IPO11: variants seen among roughly 807,000 people sequenced by gnomAD.
IPO11 encodes the protein importin-11.
Under a neutral mutation model 143.2 loss-of-function variants are expected in IPO11, and 66 were observed. The ratio of observed to expected loss-of-function variants is 0.46; its 90% CI spans 0.38 to 0.57. The LOEUF (loss-of-function observed/expected upper bound fraction) is 0.57. Ranked by LOEUF, IPO11 falls within the 20% of genes least tolerant of loss-of-function variation. The pLI is 0.00. For missense variants in IPO11, 1,026 were observed against 1,141.0 expected, an observed-to-expected ratio of 0.90 and a Z score of 1.45; for synonymous variants, 385 against 377.8, an observed-to-expected ratio of 1.02 and a Z score of -0.22.
chr5:62,421,782 G>C (rs894306842), intron 1 of IPO11, among the ~76,000 whole-genome samples: 1 of 152,130 alleles, frequency 6.6e-6, no homozygotes, highest in Non-Finnish European at 1.5e-5. Flanking sequence ...ATTAACTGTG[G>C]GATTATTACT....
chr5:62,491,353 T>C (rs1274299638), intron 15 of IPO11, among the ~76,000 whole-genome samples: 1 of 152,174 alleles, frequency 6.6e-6, no homozygotes, highest in Non-Finnish European at 1.5e-5. Flanking sequence ...CGGTGTTAAA[T>C]AAAATAGACT....
intron 2 of IPO11, among the ~76,000 whole-genome samples, chr5:62,440,038 C>G (rs975814642): frequency 7.2e-5 from 11 of 152,178 alleles, no homozygotes; most frequent in Non-Finnish European, 7.3e-5. Flanking sequence ...ACATTACTTC[C>G]ATTCGTTCAC....
intron 27 of IPO11, chr5:62,580,209 C>G (rs1203068046): frequency 1.9e-6 from 3 of 1,550,882 alleles, no homozygotes; most frequent in Admixed American, 2.0e-5. Context: ...TGGAATACCT[C>G]CTCCTGAAAA....
intron 19 of IPO11, chr5:62,512,455 C>A (rs1741787397): frequency 7.9e-7 from 1 of 1,265,866 alleles, no homozygotes; most frequent in East Asian, 2.3e-5. Context: ...TCGTATTTGT[C>A]CGAATAGTAA....
intron 1 of IPO11, among the ~76,000 whole-genome samples, chr5:62,420,665 G>C (rs1405619566): frequency 6.7e-6 from 1 of 149,588 alleles, no homozygotes; most frequent in Non-Finnish European, 1.5e-5. Flanking sequence ...CTGCAGCCTT[G>C]ACCTCCTGGG....
intron 27 of IPO11, chr5:62,562,024 A>G (rs887393801): frequency 8.5e-5 from 13 of 152,224 alleles, no homozygotes; most frequent in African/African-American, 3.1e-4. Flanking sequence ...ATTGAGCTTC[A>G]TATCAGTGCA....
chr5:62,541,680 CAA>C (rs891837949), intron 24 of IPO11, among the ~76,000 whole-genome samples: 1 of 135,792 alleles, frequency 7.4e-6, no homozygotes, highest in Non-Finnish European at 1.6e-5. Context: ...GACCCTGTTT[CAA>C]AAAAAAAAAG....
chr5:62,490,195 C>T lies in IPO11; in HGVS notation c.1438C>T (p.Pro480Ser). The T allele has an allele frequency of 6.2e-7, 1 of 1,602,248 alleles. No individual in the cohort carries two copies. Among genetic ancestry groups the T allele is most frequent in the Non-Finnish European group, 8.5e-7 (1 of 1,174,270 alleles). Reference protein sequence around the residue: ...FDQWFKNQLLPELQVIHNRYK... With the variant: ...FDQWFKNQLLSELQVIHNRYK... ...TCAGTGGTTTAAAAACCAGCTTCTTCCAGAATTACAAGTCATTCACAATAG... is the reference window on the plus strand; with the variant it reads ...TCAGTGGTTTAAAAACCAGCTTCTTTCAGAATTACAAGTCATTCACAATAG... Residue 480 changes from proline to serine, a missense_variant, in exon 15 of 30, where the codon CCA becomes TCA. Around this residue, in one of 5 missense-constraint regions of IPO11, gnomAD observed 237 missense variants for 288.0 expected, o/e 0.82. Coordinates refer to ENST00000325324, the MANE Select transcript of IPO11 (RefSeq NM_016338.5).
At chr5:62,492,224 A>G (rs757325352) in intron 15 of IPO11, among the ~76,000 whole-genome samples, 2 of 152,152 alleles carry the variant, frequency 1.3e-5, no homozygotes, top group Admixed American at 6.5e-5. Context: ...CATATTCTTT[A>G]TCTGGAACAG....
At chr5:62,468,623 T>C (rs1745648559) in intron 6 of IPO11, among the ~76,000 whole-genome samples, 1 of 152,348 alleles carries the variant, frequency 6.6e-6, no homozygotes, top group Non-Finnish European at 1.5e-5. Flanking sequence ...TGTATAGTAG[T>C]ATATTTAATG....
chr5:62,581,552 C>T (rs1423897209), intron 27 of IPO11: 6 of 363,870 alleles, frequency 1.6e-5, no homozygotes, highest in Non-Finnish European at 2.5e-5. Context: ...AAATATTTCA[C>T]ATTTCACATT....
chr5:62,470,177 C>A, intron 6 of IPO11, 73 bp from the exon 7 acceptor site: 1 of 1,430,042 alleles, frequency 7.0e-7, no homozygotes, highest in Non-Finnish European at 9.9e-7. Flanking sequence ...TTTTGCAATT[C>A]TGAATCTTTC....
chr5:62,421,761 G>A (rs1221496922), intron 1 of IPO11, among the ~76,000 whole-genome samples: 1 of 152,210 alleles, frequency 6.6e-6, no homozygotes, highest in African/African-American at 2.4e-5. Context: ...ATGATAAAAT[G>A]TAGAATAGTG....
chr5:62,426,954 T>TTG (rs1743770948), intron 1 of IPO11, among the ~76,000 whole-genome samples: 1 of 130,466 alleles, frequency 7.7e-6, no homozygotes, highest in Non-Finnish European at 1.6e-5. Context: ...TTTTTTTTTT[T>TTG]GATACGGAGT....
At chr5:62,483,893 T>TTA in intron 10 of IPO11, 117 bp from the exon 11 acceptor site, 1 of 831,102 alleles carries the variant, frequency 1.2e-6, no homozygotes, top group East Asian at 3.0e-5. Context: ...AAATGAAAAT[T>TTA]TATACACAAG....
At chr5:62,487,180 T>C (rs1746436706) in intron 12 of IPO11, among the ~76,000 whole-genome samples, 1 of 152,208 alleles carries the variant, frequency 6.6e-6, no homozygotes, top group South Asian at 2.1e-4. Context: ...CTAATGCTAA[T>C]TTCTGTTACC....
intron 5 of IPO11, among the ~76,000 whole-genome samples, chr5:62,460,982 G>T (rs1251312567): frequency 6.6e-6 from 1 of 152,174 alleles, no homozygotes; most frequent in Non-Finnish European, 1.5e-5. Flanking sequence ...GTTACTTCCT[G>T]TGGTTTCTTC....
At chr5:62,531,866 A>G (rs1431255382) in intron 22 of IPO11, among the ~76,000 whole-genome samples, 1 of 152,164 alleles carries the variant, frequency 6.6e-6, no homozygotes, top group Non-Finnish European at 1.5e-5. Flanking sequence ...GCTCTTTGTT[A>G]TCTAGAGTCC....
chr5:62,452,759 TGC>T (rs1346297826), intron 5 of IPO11, among the ~76,000 whole-genome samples: 2 of 115,006 alleles, frequency 1.7e-5, no homozygotes, highest in East Asian at 2.5e-4. Context: ...TGTGTGTGTG[TGC>T]ACGCATTTTG....
Sources: gnomAD v4.1 joint callset for allele counts (sites outside exome capture counted in the v4.1 genomes callset) on GRCh38, gnomAD v4.1.1 for gene constraint, gnomAD v4.1.1 regional missense constraint, MANE v1.5 for transcripts, NCBI Gene and HGNC (gene_info 2026-07-23, HGNC 2026-07-21) for gene names.